COMMD1: variants seen among roughly 807,000 people sequenced by gnomAD.
COMMD1 encodes the protein COMM domain-containing protein 1.
Under a neutral mutation model 17.2 loss-of-function variants are expected in COMMD1, and 10 were observed. That is an observed-to-expected ratio of 0.58 (90% CI 0.36 to 0.99). COMMD1 has a LOEUF of 0.99. Among genes scored for constraint, COMMD1 ranks in the 50% least tolerant of loss-of-function variants. COMMD1 has a pLI of 0.01. For synonymous variants in COMMD1, 97 were observed against 91.6 expected, an observed-to-expected ratio of 1.06 and a Z score of -0.34; for missense variants, 270 against 231.8, an observed-to-expected ratio of 1.17 and a Z score of -1.07.
At chr2:62,009,618 A>G (rs934780391) in intron 2 of COMMD1, among the ~76,000 whole-genome samples, 1 of 146,494 alleles carries the variant, frequency 6.8e-6, no homozygotes, top group African/African-American at 2.5e-5. Flanking sequence ...AAAAAAAAAA[A>G]GAAAGAATAA....
At chr2:61,889,548 C>G (rs1669370488) in intron 1 of COMMD1, among the ~76,000 whole-genome samples, 1 of 152,088 alleles carries the variant, frequency 6.6e-6, no homozygotes, top group African/African-American at 2.4e-5. Context: ...GATCTATCCG[C>G]GAGGTGGGGT....
chr2:62,099,168 G>A (rs1391889417), intron 2 of COMMD1, among the ~76,000 whole-genome samples: 2 of 152,174 alleles, frequency 1.3e-5, no homozygotes, highest in African/African-American at 4.8e-5. Context: ...AGAGAGCAGA[G>A]GGTCAGGAGG....
At chr2:61,902,116 C>T (rs189875398), upstream of COMMD1, among the ~76,000 whole-genome samples, 272 of 149,154 alleles carry the variant, frequency 1.8e-3, no homozygotes, top group African/African-American at 5.6e-3. Flanking sequence ...CAGGCGTGAG[C>T]CACCGCACCC....
chr2:62,021,850 T>C (rs1043539832), intron 2 of COMMD1, among the ~76,000 whole-genome samples: 14 of 152,326 alleles, frequency 9.2e-5, no homozygotes, highest in Admixed American at 3.3e-4. Context: ...TGTTGAAGTT[T>C]CACAGTGTTT....
At chr2:62,055,044 G>T (rs1193899371) in intron 2 of COMMD1, among the ~76,000 whole-genome samples, 1 of 152,176 alleles carries the variant, frequency 6.6e-6, no homozygotes, top group Non-Finnish European at 1.5e-5. Flanking sequence ...TGGCAGAGAA[G>T]TTTGCACAGA....
At chr2:62,127,631 T>C (rs763831980) in intron 2 of COMMD1, among the ~76,000 whole-genome samples, 44 of 152,202 alleles carry the variant, frequency 2.9e-4, no homozygotes, top group Non-Finnish European at 2.8e-4. Flanking sequence ...GGGGAAAGGA[T>C]TCCCTATTTA....
intron 2 of COMMD1, among the ~76,000 whole-genome samples, chr2:62,017,639 C>T (rs1390416796): frequency 6.6e-6 from 1 of 151,470 alleles, no homozygotes; most frequent in Non-Finnish European, 1.5e-5. Flanking sequence ...CACTGCACTC[C>T]AGCCTGGGTG....
At chr2:62,008,379 C>T (rs973416672) in intron 2 of COMMD1, among the ~76,000 whole-genome samples, 19 of 149,352 alleles carry the variant, frequency 1.3e-4, no homozygotes, top group Admixed American at 2.7e-4. Flanking sequence ...CACACACACA[C>T]ACACACACAC....
intron 1 of COMMD1, among the ~76,000 whole-genome samples, chr2:61,957,997 A>G (rs1671240049): frequency 6.6e-6 from 1 of 152,216 alleles, no homozygotes; most frequent in African/African-American, 2.4e-5. Context: ...ATTTAAGATT[A>G]GTATTATTAG....
At chr2:62,083,671 C>T (rs1671587242) in intron 2 of COMMD1, among the ~76,000 whole-genome samples, 1 of 152,170 alleles carries the variant, frequency 6.6e-6, no homozygotes, top group African/African-American at 2.4e-5. Context: ...CTAGAGATCT[C>T]ATTAGATTCA....
chr2:61,978,156 A>G (rs554138100), intron 1 of COMMD1, among the ~76,000 whole-genome samples: 305 of 152,286 alleles, frequency 2.0e-3, no homozygotes, highest in Non-Finnish European at 3.4e-3. Flanking sequence ...ACATTATTTG[A>G]AAGTATATTT....
At chr2:62,013,921 G>T (rs1669360190) in intron 2 of COMMD1, among the ~76,000 whole-genome samples, 1 of 152,202 alleles carries the variant, frequency 6.6e-6, no homozygotes, top group Non-Finnish European at 1.5e-5. Flanking sequence ...GATGTTGTTT[G>T]TGCTGAAGTA....
intron 1 of COMMD1, among the ~76,000 whole-genome samples, chr2:61,937,440 T>G (rs1558527644): frequency 6.6e-6 from 1 of 152,236 alleles, no homozygotes; most frequent in Non-Finnish European, 1.5e-5. Context: ...GGCCTGCCCC[T>G]GGTCCATCCT....
At chr2:61,888,648 G>A, upstream of COMMD1, 1 of 983,446 alleles carries the variant, frequency 1.0e-6, no homozygotes, top group Non-Finnish European at 1.4e-6. Flanking sequence ...GGAGGCGGAG[G>A]CGGAGAAGGG....
chr2:61,888,442 GCCTTTC>G (rs775189701), upstream of COMMD1: 2 of 1,611,810 alleles, frequency 1.2e-6, no homozygotes. Flanking sequence ...CCTGATAGGC[GCCTTTC>G]CCGCGGCCGC....
chr2:62,058,074 TACTC>T (rs1403042186), intron 2 of COMMD1, among the ~76,000 whole-genome samples: 2 of 152,224 alleles, frequency 1.3e-5, no homozygotes, highest in Admixed American at 6.5e-5. Flanking sequence ...TCAGAGAACA[TACTC>T]TATATAAGTT....
At chr2:62,022,521 CAT>C (rs1669639022) in intron 2 of COMMD1, among the ~76,000 whole-genome samples, 1 of 133,632 alleles carries the variant, frequency 7.5e-6, no homozygotes, top group African/African-American at 2.7e-5. Flanking sequence ...ACAAACAAAT[CAT>C]AAGGGTAAAG....
At position 61,906,345 on chromosome 2, in the gene COMMD1, G is replaced by A. The variant is rs573474329; in HGVS notation, c.180+487G>A. The stretch of plus-strand genomic sequence containing the variant: ...ATTACCAGCTTGAAGTCAAAGTATA[G>A]ACTAGATCGTCCAATAGAAATATGT... On this transcript the variant is annotated intron_variant, in intron 1 of 2. Coordinates refer to ENST00000311832, the MANE Select transcript of COMMD1 (RefSeq NM_152516.4). 2.6e-5 allele frequency among the ~76,000 whole-genome samples: 4 copies of A among 152,292 alleles called. No homozygotes were observed. The East Asian group carries it at 5.8e-4, about 22-fold the overall frequency.
chr2:61,965,516 C>T (rs754390408), intron 1 of COMMD1, among the ~76,000 whole-genome samples: 3 of 152,148 alleles, frequency 2.0e-5, no homozygotes, highest in Non-Finnish European at 4.4e-5. Flanking sequence ...GAGTGGGTAT[C>T]CTCAGCATGG....
Sources: gnomAD v4.1 joint callset for allele counts (sites outside exome capture counted in the v4.1 genomes callset) on GRCh38, gnomAD v4.1.1 for gene constraint, MANE v1.5 for transcripts, NCBI Gene and HGNC (gene_info 2026-07-23, HGNC 2026-07-21) for gene names.